Variants in KIF13B observed in about 807,000 individuals in gnomAD.
KIF13B encodes the protein kinesin-like protein KIF13B.
In KIF13B, 127 loss-of-function variants were observed where a neutral mutation model predicts 222.0. The observed-to-expected ratio is 0.57, with a 90% confidence interval of 0.50 to 0.66. The LOEUF (loss-of-function observed/expected upper bound fraction) is 0.66. Among genes scored for constraint, KIF13B ranks in the 30% least tolerant of loss-of-function variants. The pLI is 0.00. For missense variants in KIF13B, 2,173 were observed against 2,379.0 expected (o/e 0.91, Z 1.80); for synonymous variants, 976 against 919.0 (o/e 1.06, Z -1.12).
intron 2 of KIF13B, among the ~76,000 whole-genome samples, chr8:29,237,005 A>T (rs1031625398): frequency 6.6e-6 from 1 of 152,150 alleles, no homozygotes; most frequent in African/African-American, 2.4e-5. Context: ...GGATTGGTAA[A>T]GATTAACCTA....
intron 37 of KIF13B, among the ~76,000 whole-genome samples, chr8:29,087,269 T>C (rs545844509): frequency 6.6e-6 from 1 of 152,382 alleles, no homozygotes; most frequent in South Asian, 2.1e-4. Flanking sequence ...TGACAAGTGA[T>C]GTCTACTTCC....
intron 35 of KIF13B, among the ~76,000 whole-genome samples, chr8:29,104,639 G>C (rs939180418): frequency 6.6e-6 from 1 of 152,112 alleles, no homozygotes; most frequent in African/African-American, 2.4e-5. Context: ...GTCCTTCCAT[G>C]GTGTCCAACT....
chr8:29,148,846 T>C, intron 15 of KIF13B, 79 bp from the exon 16 acceptor site: 1 of 1,156,026 alleles, frequency 8.7e-7, no homozygotes, highest in African/African-American at 1.5e-5. Flanking sequence ...CTGGTATCTG[T>C]TAGAAGCCAA....
intron 12 of KIF13B, among the ~76,000 whole-genome samples, chr8:29,163,691 G>A (rs1469719393): frequency 1.3e-5 from 2 of 152,202 alleles, no homozygotes; most frequent in African/African-American, 4.8e-5. Flanking sequence ...TAAAGCCTGG[G>A]AGCTCTGGAA....
At chr8:29,188,235 GCATGGCTAGTAATGTGTT>G (rs1234081772) in intron 5 of KIF13B, among the ~76,000 whole-genome samples, 1 of 152,086 alleles carries the variant, frequency 6.6e-6, no homozygotes, top group Non-Finnish European at 1.5e-5. Flanking sequence ...TGATCTATAG[GCATGGCTAGTAATGTGTT>G]CAACAGTCAT....
intron 12 of KIF13B, among the ~76,000 whole-genome samples, chr8:29,162,648 C>A (rs778450262): frequency 6.6e-6 from 1 of 152,122 alleles, no homozygotes; most frequent in Non-Finnish European, 1.5e-5. Context: ...ATGGTAAAAA[C>A]GCTACAAAAT....
At chr8:29,213,957 AAAAT>A (rs1814357316) in intron 2 of KIF13B, among the ~76,000 whole-genome samples, 1 of 152,202 alleles carries the variant, frequency 6.6e-6, no homozygotes. Flanking sequence ...CCATCTCAAA[AAAAT>A]AAATAAAATA....
chr8:29,233,699 T>G (rs1314459345), intron 2 of KIF13B, among the ~76,000 whole-genome samples: 1 of 152,162 alleles, frequency 6.6e-6, no homozygotes, highest in African/African-American at 2.4e-5. Context: ...ATTTTAAAAA[T>G]ATTTTAGAGC....
At chr8:29,143,277 G>A (rs1810900719) in intron 18 of KIF13B, among the ~76,000 whole-genome samples, 1 of 152,174 alleles carries the variant, frequency 6.6e-6, no homozygotes, top group Admixed American at 6.5e-5. Flanking sequence ...GGGGAGAGAG[G>A]GAAAGTTTGC....
chr8:29,228,929 T>C (rs1815161255), intron 2 of KIF13B, among the ~76,000 whole-genome samples: 1 of 152,078 alleles, frequency 6.6e-6, no homozygotes, highest in Non-Finnish European at 1.5e-5. Context: ...ATAAGGACCA[T>C]GAAGGCTGGA....
chr8:29,209,731 G>A (rs1405831952), intron 2 of KIF13B, among the ~76,000 whole-genome samples: 1 of 151,948 alleles, frequency 6.6e-6, no homozygotes, highest in East Asian at 1.9e-4. Flanking sequence ...TAGCATCTAG[G>A]GCACAGAAAG....
intron 32 of KIF13B, among the ~76,000 whole-genome samples, chr8:29,110,341 A>G (rs1809298650): frequency 6.6e-6 from 1 of 152,198 alleles, no homozygotes. Flanking sequence ...CAAAAAACCC[A>G]TGACTGGTTA....
chr8:29,166,006 A>G (rs1811984134), intron 11 of KIF13B, among the ~76,000 whole-genome samples: 1 of 151,602 alleles, frequency 6.6e-6, no homozygotes, highest in African/African-American at 2.4e-5. Flanking sequence ...CTGACACTCT[A>G]TTGTGAAGAT....
At position 29,216,361 on chromosome 8, in the gene KIF13B, C is replaced by T. The variant is rs1285601229; in HGVS notation, c.150-20162G>A. On this transcript the variant is annotated intron_variant, in intron 2 of 39. Coordinates refer to ENST00000524189, the MANE Select transcript of KIF13B (RefSeq NM_015254.4). ...CCTGTAATCCTAGCACTTTGGGAGG[C>T]CAAGGCAGGCAGATCACTTGAGGTC... Among the ~76,000 whole-genome samples the T allele has an allele frequency of 3.3e-5, 5 of 152,164 alleles. No individual in the cohort carries two copies. The South Asian group carries it at 8.3e-4, about 25-fold the overall frequency.
chr8:29,172,396 T>G (rs1162310659), intron 10 of KIF13B, among the ~76,000 whole-genome samples: 1 of 152,152 alleles, frequency 6.6e-6, no homozygotes, highest in Non-Finnish European at 1.5e-5. Flanking sequence ...ACATACATTT[T>G]TAAGGAAAAA....
chr8:29,098,221 A>C lies in KIF13B; in HGVS notation c.4324+912T>G, dbSNP rs575237424. 8.0e-5 allele frequency among the ~76,000 whole-genome samples: 12 copies of C among 150,440 alleles called. No homozygotes were observed. The South Asian group carries it at 2.5e-3, about 32-fold the overall frequency. On this transcript the variant is annotated intron_variant, in intron 36 of 39. Coordinates refer to ENST00000524189, the MANE Select transcript of KIF13B (RefSeq NM_015254.4). Reference sequence around the variant, plus strand: ...TGATGTTTATGAAAATAAACTTAATAATCTAGATAAACTAAGAAACTCCTT... The same window carrying C: ...TGATGTTTATGAAAATAAACTTAATCATCTAGATAAACTAAGAAACTCCTT...
At chr8:29,137,096 G>A (rs1048522396) in intron 21 of KIF13B, among the ~76,000 whole-genome samples, 6 of 152,058 alleles carry the variant, frequency 3.9e-5, no homozygotes, top group African/African-American at 9.7e-5. Flanking sequence ...CGCCGCGCCC[G>A]GCCCTGTGAC....
At chr8:29,208,637 A>G (rs569628218) in intron 2 of KIF13B, among the ~76,000 whole-genome samples, 22 of 152,346 alleles carry the variant, frequency 1.4e-4, no homozygotes, top group African/African-American at 4.6e-4. Context: ...GAGACTGAAT[A>G]TTCAAATAGA....
rs768040042 is a variant in KIF13B at position 29,130,586 on chromosome 8, C to A, written c.3022G>T (p.Glu1008Ter). Reference protein sequence around the residue: ...QNENGEYCPVEVISAKDVPTG... With the variant: ...QNENGEYCPV The stretch of plus-strand genomic sequence containing the variant: ...GGGACATCCTTTGCAGAAATCACTT[C>A]TACAGGGCAGTATTCACCATTCTCA... Residue 1008 changes from glutamate (E) to a stop codon, truncating the protein, a stop_gained, in exon 24 of 40, where the codon GAA becomes TAA. Transcript: ENST00000524189. LOFTEE classifies it high-confidence loss of function. 1 of 1,613,810 alleles carries A rather than the reference C, an allele frequency of 6.2e-7. No individual in the cohort carries two copies. Among genetic ancestry groups the A allele is most frequent in the East Asian group, 2.2e-5 (1 of 44,872 alleles).
Sources: allele counts gnomAD v4.1 joint callset (sites outside exome capture counted in the v4.1 genomes callset), GRCh38; gene constraint gnomAD v4.1.1; transcripts MANE v1.5; gene names NCBI Gene and HGNC (gene_info 2026-07-23, HGNC 2026-07-21).